Variants in ZNF3 observed in about 807,000 individuals in gnomAD.
ZNF3 encodes zinc finger protein 3, also known as C2-H2 type zinc finger protein.
A neutral mutation model predicts 36.9 loss-of-function variants in ZNF3; 16 were observed. The observed-to-expected ratio is 0.43, with a 90% CI of 0.29 to 0.66. ZNF3 has a LOEUF of 0.66. Among genes scored for constraint, ZNF3 ranks in the 30% least tolerant of loss-of-function variants. The pLI, the probability that ZNF3 is intolerant of heterozygous loss-of-function variation, is 0.13. For missense variants in ZNF3, 462 were observed against 543.1 expected, an observed-to-expected ratio of 0.85 and a Z score of 1.48; for synonymous variants, 201 against 201.9, an observed-to-expected ratio of 1.00 and a Z score of 0.04.
chr7:100,080,234 G>T (rs1301995647), intron 1 of ZNF3, among the ~76,000 whole-genome samples: 3 of 152,116 alleles, frequency 2.0e-5, no homozygotes, highest in African/African-American at 4.8e-5. Flanking sequence ...CTTCAGCAGG[G>T]GATCCACATT....
chr7:100,074,078 G>A (rs532376347), intron 5 of ZNF3, among the ~76,000 whole-genome samples: 11 of 151,864 alleles, frequency 7.2e-5, no homozygotes, highest in Non-Finnish European at 1.0e-4. Context: ...TTGCTTGAAC[G>A]CAGGACGCAG....
Position 100,071,932 on chromosome 7 carries a change from A to G in ZNF3, c.552T>C (p.Asn184=), listed in dbSNP as rs756637868. 6 of 1,614,232 alleles carry G rather than the reference A, an allele frequency of 3.7e-6. No homozygotes were observed. Among genetic ancestry groups the G allele is most frequent in the East Asian group, 2.2e-5 (1 of 44,892 alleles). Residue 184 remains asparagine (N), a synonymous_variant, in exon 6 of 6, where the codon AAT becomes AAC. Transcript: ENST00000299667. ...GTCTCTGATGTGAGATAAGGTTGGAATTCACAGTGAAGCTGTTCCCAAAAT... is the reference window on the plus strand; with the variant it reads ...GTCTCTGATGTGAGATAAGGTTGGAGTTCACAGTGAAGCTGTTCCCAAAAT... ...YNDFGNSFTV[N]SNLISHQRLP... is the part of the protein sequence containing the mutation.
chr7:100,064,832 A>G lies in ZNF3; in HGVS notation c.352T>C (p.Cys118Arg). ...TCCACACTCGCCAGTTCACTGGAGCAGAGTCCCTTCGCCACACTTAGGGTC... is the reference window on the plus strand; with the variant it reads ...TCCACACTCGCCAGTTCACTGGAGCGGAGTCCCTTCGCCACACTTAGGGTC... The change falls in exon 6 of 6, where the codon TGC becomes CGC. Residue 118 changes from cysteine (C) to arginine (R), a missense_variant. Physicochemically the swap from Cys to Arg is radical, Grantham distance 180 (BLOSUM62 -3). Coordinates refer to the ZNF3 transcript ENST00000413658. 2.5e-6 allele frequency: 4 copies of G among 1,614,214 alleles called. No homozygotes were observed. The East Asian group carries it at 6.7e-5, about 27-fold the overall frequency.
At chr7:100,082,005 A>G (rs1256253153), upstream of ZNF3, among the ~76,000 whole-genome samples, 1 of 152,138 alleles carries the variant, frequency 6.6e-6, no homozygotes, top group Non-Finnish European at 1.5e-5. Context: ...CATGTGCTCC[A>G]GCGTCGCCGG....
At chr7:100,069,016 G>C (rs570832529), downstream of ZNF3, among the ~76,000 whole-genome samples, 137 of 151,546 alleles carry the variant, frequency 9.0e-4, no homozygotes, top group Middle Eastern at 3.4e-3. Flanking sequence ...TTTTAGGAGA[G>C]AGAGCATTTC....
chr7:100,063,855 CA>C, downstream of ZNF3: 1 of 1,614,056 alleles, frequency 6.2e-7, no homozygotes, highest in South Asian at 1.1e-5. Flanking sequence ...CAGAGGGGCT[CA>C]AAGGGGATAT....
At position 100,075,611 on chromosome 7, in the gene ZNF3, A is replaced by G; in HGVS notation, c.75T>C (p.Pro25=). 6.2e-7 allele frequency: 1 copy of G among 1,614,142 alleles called. No homozygotes were observed. Among genetic ancestry groups the G allele is most frequent in the South Asian group, 1.1e-5 (1 of 91,082 alleles). ...LLDSALPSKV[P]AFSDKDSLGD... ...CCAGGCTGTCCTTGTCGGAAAAGGC[A>G]GGAACTTTTGAAGGAAGAGCTGAAG... The change falls in exon 4 of 6, where the codon CCT becomes CCC. Residue 25 remains proline, a synonymous_variant. Transcript: ENST00000299667.
rs772565088 is a variant in ZNF3, at chr7:100,071,279, C to G, written c.1205G>C (p.Gly402Ala). ...GENPYECSEC[G>A]KAFRYSSALV... is the part of the protein sequence containing the mutation. ...AGCCGAGCTGTACCTGAAGGCTTTC[C>G]CACACTCACTACATTCATAGGGGTT... The change falls in exon 6 of 6, where the codon GGG becomes GCG. Residue 402 changes from glycine to alanine, a missense_variant. By Grantham distance (60) the Gly-to-Ala change is moderately conservative. Transcript: ENST00000299667. The G allele has an allele frequency of 3.7e-6, 6 of 1,614,216 alleles. No individual in the cohort carries two copies. In the East Asian group the frequency reaches 1.3e-4, roughly 36 times the overall value.
intron 5 of ZNF3, 37 bp downstream of exon 5, chr7:100,075,098 C>T: frequency 1.9e-6 from 3 of 1,554,814 alleles, no homozygotes; most frequent in Middle Eastern, 1.7e-4. Context: ...AGCAAAGAAA[C>T]ACCAGCGAGT....
intron 3 of ZNF3, among the ~76,000 whole-genome samples, chr7:100,076,066 G>A (rs945482129): frequency 6.7e-6 from 1 of 148,840 alleles, no homozygotes; most frequent in Non-Finnish European, 1.5e-5. Flanking sequence ...TCAAACTCCT[G>A]GGCTCAAGTG....
exon 6 of ZNF3, chr7:100,064,755 G>A (rs370122100): frequency 2.7e-5 from 43 of 1,613,932 alleles, no homozygotes; most frequent in East Asian, 2.0e-4. Flanking sequence ...TGAGGAGTGC[G>A]AGCTCCACAG....
chr7:100,075,083 G>A (rs765397578), intron 5 of ZNF3, 52 bp downstream of exon 5: 42 of 1,541,064 alleles, frequency 2.7e-5, no homozygotes, highest in African/African-American at 8.3e-5. Flanking sequence ...ACTAGCAAAC[G>A]AAGAAGCAAA....
chr7:100,069,159 A>C (rs1792800592), downstream of ZNF3, among the ~76,000 whole-genome samples: 1 of 151,386 alleles, frequency 6.6e-6, no homozygotes, highest in East Asian at 1.9e-4. Context: ...TGTTGTAGAG[A>C]TAGGGTCTTG....
downstream of ZNF3, among the ~76,000 whole-genome samples, chr7:100,067,477 C>T (rs527975023): frequency 5.9e-5 from 9 of 152,242 alleles, no homozygotes; most frequent in Admixed American, 3.3e-4. Context: ...ATTATATTGC[C>T]TAGGCTAGTT....
downstream of ZNF3, among the ~76,000 whole-genome samples, chr7:100,066,930 G>A (rs1003329068): frequency 6.6e-6 from 1 of 152,160 alleles, no homozygotes; most frequent in African/African-American, 2.4e-5. Flanking sequence ...AGCTACTCAG[G>A]AGGCTAAGGC....
downstream of ZNF3, among the ~76,000 whole-genome samples, chr7:100,065,740 G>A (rs1350343116): frequency 6.6e-6 from 1 of 151,392 alleles, no homozygotes; most frequent in Non-Finnish European, 1.5e-5. Flanking sequence ...TACAGGTTAA[G>A]TAAACAATGT....
downstream of ZNF3, among the ~76,000 whole-genome samples, chr7:100,068,814 C>T: frequency 6.6e-6 from 1 of 151,788 alleles, no homozygotes; most frequent in South Asian, 2.1e-4. Context: ...TGCACCACCA[C>T]ACCCAGCTAA....
chr7:100,075,972 C>T (rs1262569715), intron 3 of ZNF3, among the ~76,000 whole-genome samples: 1 of 152,094 alleles, frequency 6.6e-6, no homozygotes, highest in African/African-American at 2.4e-5. Context: ...CCAAGCTTGG[C>T]CAGAAACATA....
rs930004198 is a variant in ZNF3 at position 100,081,024 on chromosome 7, A to T, written c.-198+611T>A. On this transcript the variant is annotated intron_variant, in intron 1 of 5. Coordinates refer to ENST00000299667, the MANE Select transcript of ZNF3 (RefSeq NM_032924.5). This position sits in a 1 kb window ranked among gnomAD's most constrained non-coding sequence, Gnocchi z 4.3. ...AAAGCCCTTCAGAGTGTAAACACCG[A>T]TGTGGATTCAATCCCACTTCCGGAG... 3.9e-5 allele frequency among the ~76,000 whole-genome samples: 6 copies of T among 152,160 alleles called. No homozygotes were observed. Among genetic ancestry groups the T allele is most frequent in the Admixed American group, 3.9e-4 (6 of 15,266 alleles).
Sources: allele counts gnomAD v4.1 joint callset (sites outside exome capture counted in the v4.1 genomes callset), GRCh38; gene constraint gnomAD v4.1.1; non-coding constraint Gnocchi (gnomAD v3.1); transcripts MANE v1.5; gene names NCBI Gene and HGNC (gene_info 2026-07-23, HGNC 2026-07-21).